APOO: variants seen among roughly 807,000 people sequenced by gnomAD.
The protein encoded by APOO is MICOS complex subunit MIC26.
In APOO, 11 loss-of-function variants were observed where a neutral mutation model predicts 23.1. That is an observed-to-expected ratio of 0.48 (90% CI 0.30 to 0.79). The LOEUF (loss-of-function observed/expected upper bound fraction) is 0.79. Among genes scored for constraint, APOO ranks in the 30% least tolerant of loss-of-function variants. APOO has a pLI of 0.07. For synonymous variants in APOO, 59 were observed against 54.8 expected (o/e 1.08, Z -0.34); for missense variants, 160 against 142.7 (o/e 1.12, Z -0.62).
chrX:23,889,680 T>A (rs1004348697), intron 1 of APOO, among the ~76,000 whole-genome samples: 6 of 83,066 alleles, frequency 7.2e-5, no homozygotes, highest in African/African-American at 3.3e-4. Flanking sequence ...TTTTTTTTTT[T>A]AAGACAGAGC....
At chrX:23,888,472 A>T (rs5925958) in intron 1 of APOO, among the ~76,000 whole-genome samples, 15,622 of 111,491 alleles carry the variant, frequency 0.14, 1,032 homozygotes, top group South Asian at 0.52. Context: ...TAAGCAGACA[A>T]GGTCCCTGCT....
At chrX:23,904,335 G>A (rs922208945) in intron 1 of APOO, among the ~76,000 whole-genome samples, 2 of 110,514 alleles carry the variant, frequency 1.8e-5, no homozygotes, top group Non-Finnish European at 3.8e-5. Context: ...ACTGACCTAA[G>A]TTGGTCCAAT....
At chrX:23,852,562 C>A (rs932886218) in intron 7 of APOO, among the ~76,000 whole-genome samples, 2 of 108,179 alleles carry the variant, frequency 1.8e-5, no homozygotes, top group African/African-American at 6.7e-5. Context: ...TGCAGTGAGC[C>A]GAGATCGTGC....
At chrX:23,848,852 ATTTTT>A (rs773306111) in intron 7 of APOO, among the ~76,000 whole-genome samples, 2 of 63,630 alleles carry the variant, frequency 3.1e-5, no homozygotes, top group African/African-American at 1.3e-4. Context: ...TGCGCGGCTG[ATTTTT>A]TTTTTTTTTT....
At chrX:23,896,546 G>A (rs1167054233) in intron 1 of APOO, among the ~76,000 whole-genome samples, 1 of 111,721 alleles carries the variant, frequency 9.0e-6, no homozygotes, top group Non-Finnish European at 1.9e-5. Context: ...CAAAACGACT[G>A]TTTTGATGCA....
chrX:23,863,442 C>A (rs976873381), intron 5 of APOO, among the ~76,000 whole-genome samples: 1 of 111,742 alleles, frequency 8.9e-6, no homozygotes, highest in African/African-American at 3.2e-5. Context: ...AAAAATGTAT[C>A]ACCTGTTCAG....
chrX:23,907,390 T>A (rs776018642), intron 1 of APOO, among the ~76,000 whole-genome samples: 1 of 111,955 alleles, frequency 8.9e-6, no homozygotes, highest in Admixed American at 9.4e-5. Flanking sequence ...CCCAAGAGGG[T>A]ACTAGCCGAG....
At chrX:23,860,505 C>T (rs765205574) in intron 5 of APOO, among the ~76,000 whole-genome samples, 7 of 109,053 alleles carry the variant, frequency 6.4e-5, no homozygotes, top group Admixed American at 9.9e-5. Flanking sequence ...TAGCGAGACT[C>T]CATCTCCATT....
intron 1 of APOO, among the ~76,000 whole-genome samples, chrX:23,905,072 C>T (rs1265135261): frequency 9.1e-6 from 1 of 110,147 alleles, no homozygotes; most frequent in African/African-American, 3.3e-5. Flanking sequence ...TCTTTTCTAC[C>T]CAAAGTACAT....
chrX:23,839,742 C>G (rs1314229688), intron 8 of APOO, among the ~76,000 whole-genome samples: 1 of 111,256 alleles, frequency 9.0e-6, no homozygotes. Context: ...AATAATTGTG[C>G]ACACGTTCCC....
intron 1 of APOO, among the ~76,000 whole-genome samples, chrX:23,881,672 C>T (rs1325537472): frequency 2.9e-5 from 3 of 102,119 alleles, no homozygotes; most frequent in Admixed American, 1.1e-4. Context: ...CAGTGGCTCA[C>T]GCCTGTAATC....
intron 1 of APOO, among the ~76,000 whole-genome samples, chrX:23,899,886 G>A (rs190221480): frequency 1.6e-4 from 18 of 112,266 alleles, no homozygotes; most frequent in East Asian, 5.6e-4. Context: ...AAACCTTTAC[G>A]TCATAAAAGT....
intron 4 of APOO, among the ~76,000 whole-genome samples, chrX:23,872,721 C>T (rs1368703853): frequency 4.5e-5 from 5 of 110,237 alleles, no homozygotes; most frequent in Non-Finnish European, 9.5e-5. Flanking sequence ...AGTTTATTTA[C>T]AATACCTAAA....
intron 5 of APOO, among the ~76,000 whole-genome samples, chrX:23,867,453 C>T: frequency 8.9e-6 from 1 of 111,835 alleles, no homozygotes; most frequent in East Asian, 2.8e-4. Context: ...TGCCTTCCAC[C>T]ACGATTGGAA....
chrX:23,887,528 G>A (rs913443495), intron 1 of APOO, among the ~76,000 whole-genome samples: 3 of 110,302 alleles, frequency 2.7e-5, no homozygotes, highest in Non-Finnish European at 3.8e-5. Context: ...CACTGTGCCC[G>A]GCCTCCCCCA....
At chrX:23,861,269 G>C (rs1220040772) in intron 5 of APOO, among the ~76,000 whole-genome samples, 2 of 110,833 alleles carry the variant, frequency 1.8e-5, no homozygotes, top group Admixed American at 1.9e-4. Context: ...TTGTGCAACA[G>C]TGAGTTCTCT....
At chrX:23,848,012 A>T (rs980699501) in intron 7 of APOO, among the ~76,000 whole-genome samples, 2 of 105,613 alleles carry the variant, frequency 1.9e-5, no homozygotes, top group Admixed American at 2.1e-4. Context: ...GAGTAGCTGG[A>T]ACTACAGGCA....
chrX:23,853,325 G>C (rs946438493), intron 7 of APOO, among the ~76,000 whole-genome samples: 1 of 110,624 alleles, frequency 9.0e-6, no homozygotes, highest in African/African-American at 3.3e-5. Flanking sequence ...ATCTAAAGTG[G>C]GGGGGGTGAA....
chrX:23,894,652 C>T (rs777343982), intron 1 of APOO, among the ~76,000 whole-genome samples: 1 of 109,693 alleles, frequency 9.1e-6, no homozygotes, highest in African/African-American at 3.3e-5. Flanking sequence ...AAAAATTAGC[C>T]AGGCATGGTG....
Sources: allele counts gnomAD v4.1 joint callset (sites outside exome capture counted in the v4.1 genomes callset), GRCh38; gene constraint gnomAD v4.1.1; transcripts MANE v1.5; gene names NCBI Gene and HGNC (gene_info 2026-07-23, HGNC 2026-07-21).